Variants in ADGRL2 observed in about 807,000 individuals in gnomAD.
The protein encoded by ADGRL2 is calcium-independent alpha-latrotoxin receptor 2.
In ADGRL2, 44 loss-of-function variants were observed where a neutral mutation model predicts 157.4. That is an observed-to-expected ratio of 0.28 (90% CI 0.22 to 0.36). The LOEUF is 0.36. Among genes scored for constraint, ADGRL2 ranks in the 10% least tolerant of loss-of-function variants. ADGRL2 has a pLI of 1.00. For missense variants in ADGRL2, 1,510 were observed against 1,768.9 expected (o/e 0.85, Z 2.63); for synonymous variants, 585 against 624.7 (o/e 0.94, Z 0.95).
At chr1:81,333,399 A>AT (rs1661404429) in intron 1 of ADGRL2, among the ~76,000 whole-genome samples, 3 of 141,718 alleles carry the variant, frequency 2.1e-5, no homozygotes, top group Non-Finnish European at 3.1e-5. Flanking sequence ...TTTTTAATTA[A>AT]TTAATTAATT....
chr1:81,539,167 T>A (rs1360754971), intron 2 of ADGRL2, among the ~76,000 whole-genome samples: 3 of 152,148 alleles, frequency 2.0e-5, no homozygotes, highest in African/African-American at 7.2e-5. Flanking sequence ...GTCCAGCAGT[T>A]TGAAAGTCAT....
intron 1 of ADGRL2, among the ~76,000 whole-genome samples, chr1:81,831,461 C>A (rs950071060): frequency 6.6e-6 from 1 of 151,992 alleles, no homozygotes; most frequent in Non-Finnish European, 1.5e-5. Flanking sequence ...GTTCTGTATT[C>A]ATTTTTTTAT....
intron 1 of ADGRL2, among the ~76,000 whole-genome samples, chr1:81,736,950 A>T (rs1846211): frequency 0.99 from 151,447 of 152,218 alleles, 75,347 homozygotes; most frequent in Non-Finnish European, 1. Context: ...TTCTCCTGCC[A>T]CAGCCTCTGG....
At chr1:81,722,405 T>C (rs1163306173) in intron 1 of ADGRL2, 11 of 890,760 alleles carry the variant, frequency 1.2e-5, no homozygotes, top group Non-Finnish European at 2.0e-5. Flanking sequence ...CATTGACTTA[T>C]TCACAAATGC....
intron 1 of ADGRL2, among the ~76,000 whole-genome samples, chr1:81,427,928 A>T (rs1387116890): frequency 6.6e-6 from 1 of 152,082 alleles, no homozygotes; most frequent in Admixed American, 6.6e-5. Context: ...TTCATCAGGT[A>T]TATTGCCCTG....
intron 9 of ADGRL2, 100 bp from the exon 10 acceptor site, chr1:81,952,887 G>A (rs1652300764): frequency 2.2e-6 from 2 of 908,344 alleles, no homozygotes; most frequent in Admixed American, 1.9e-5. Context: ...TATAAACTTC[G>A]AGCTCTGGAA....
intron 2 of ADGRL2, among the ~76,000 whole-genome samples, chr1:81,485,739 A>G (rs952370875): frequency 2.6e-5 from 4 of 152,134 alleles, no homozygotes; most frequent in African/African-American, 9.7e-5. Flanking sequence ...CTTATAAGAT[A>G]AGTAAACAAA....
intron 1 of ADGRL2, among the ~76,000 whole-genome samples, chr1:81,424,363 T>C (rs1312271495): frequency 6.6e-6 from 1 of 152,252 alleles, no homozygotes. Context: ...TTGCTTTTAA[T>C]TGCACCATAA....
chr1:81,960,101 A>T (rs1319694982), intron 11 of ADGRL2, among the ~76,000 whole-genome samples: 2 of 152,124 alleles, frequency 1.3e-5, no homozygotes, highest in Admixed American at 6.6e-5. Flanking sequence ...TTCCTGGCCA[A>T]GTATTTTTTC....
At chr1:81,694,479 C>T (rs898016717) in intron 3 of ADGRL2, among the ~76,000 whole-genome samples, 2 of 151,648 alleles carry the variant, frequency 1.3e-5, no homozygotes, top group Admixed American at 6.6e-5. Flanking sequence ...ATTACTATAA[C>T]ATAATCTAGT....
chr1:81,589,747 T>A (rs2148582852), intron 3 of ADGRL2, among the ~76,000 whole-genome samples: 1 of 152,304 alleles, frequency 6.6e-6, no homozygotes, highest in Non-Finnish European at 1.5e-5. Flanking sequence ...TGGTAACTGG[T>A]TTTGATTTAC....
intron 2 of ADGRL2, chr1:81,557,067 C>T: frequency 5.5e-6 from 1 of 180,594 alleles, no homozygotes; most frequent in Non-Finnish European, 1.2e-5. Context: ...AGATGTGTGG[C>T]AAACTTCACG....
chr1:81,342,118 G>T (rs893860545), intron 1 of ADGRL2, among the ~76,000 whole-genome samples: 22 of 152,026 alleles, frequency 1.4e-4, no homozygotes, highest in African/African-American at 5.1e-4. Flanking sequence ...TATAGGGCTA[G>T]AATTATAATA....
intron 3 of ADGRL2, among the ~76,000 whole-genome samples, chr1:81,691,349 A>C (rs1023449710): frequency 6.6e-6 from 1 of 151,526 alleles, no homozygotes; most frequent in African/African-American, 2.4e-5. Context: ...AAGCCTATAA[A>C]TTGGTTAAAG....
chr1:81,937,759 TCCTTTAAAAAAAAA>T (rs2095331063), intron 4 of ADGRL2, among the ~76,000 whole-genome samples: 1 of 151,646 alleles, frequency 6.6e-6, no homozygotes, highest in Non-Finnish European at 1.5e-5. Context: ...TACACTTTCC[TCCTTTAAAAAAAAA>T]GGATTTGCCA....
chr1:81,799,300 G>GTTTA (rs2087754069), upstream of ADGRL2, among the ~76,000 whole-genome samples: 1 of 135,474 alleles, frequency 7.4e-6, no homozygotes. Context: ...AGATGTAAGT[G>GTTTA]TGTATGTAGT....
intron 3 of ADGRL2, among the ~76,000 whole-genome samples, chr1:81,590,356 A>T (rs2081107906): frequency 6.6e-6 from 1 of 152,078 alleles, no homozygotes; most frequent in Non-Finnish European, 1.5e-5. Context: ...GCCCTTTCAC[A>T]TAGTAACCAT....
intron 3 of ADGRL2, among the ~76,000 whole-genome samples, chr1:81,585,263 A>G (rs2081001243): frequency 6.6e-6 from 1 of 152,140 alleles, no homozygotes; most frequent in Admixed American, 6.6e-5. Flanking sequence ...TTAAATTCAT[A>G]TATAGTTATA....
intron 12 of ADGRL2, 38 bp from the exon 13 acceptor site, chr1:81,966,366 G>GTT: frequency 6.3e-7 from 1 of 1,583,168 alleles, no homozygotes; most frequent in Non-Finnish European, 8.7e-7. Flanking sequence ...TAACAAGCAT[G>GTT]TTTTTTGTAC....
Sources: allele counts gnomAD v4.1 joint callset (sites outside exome capture counted in the v4.1 genomes callset), GRCh38; gene constraint gnomAD v4.1.1; transcripts MANE v1.5; gene names NCBI Gene and HGNC (gene_info 2026-07-23, HGNC 2026-07-21).